Variants in DEFB1 observed in about 807,000 individuals in gnomAD.
The protein encoded by DEFB1 is defensin beta 1, also known as beta-defensin 1.
A neutral mutation model predicts 2.6 loss-of-function variants in DEFB1; 4 were observed. The ratio of observed to expected loss-of-function variants is 1.53; its 90% CI spans 0.76 to 3.51. DEFB1 has a LOEUF of 3.51. DEFB1 is among the 30% of genes most tolerant of loss of function. DEFB1 has a pLI of 0.01. For synonymous variants in DEFB1, 56 were observed against 28.5 expected, an observed-to-expected ratio of 1.96 and a Z score of -3.07; for missense variants, 162 against 76.9, an observed-to-expected ratio of 2.11 and a Z score of -4.14.
intron 1 of DEFB1, among the ~76,000 whole-genome samples, chr8:6,875,107 CA>C (rs1258641724): frequency 2.7e-5 from 4 of 146,366 alleles, no homozygotes; most frequent in East Asian, 2.0e-4. Flanking sequence ...CACACACACA[CA>C]CCCCATTGCC....
In DEFB1 at chr8:6,873,213, G is replaced by C. The variant is rs5743474; in HGVS notation, c.62-2387C>G. On this transcript the variant is annotated intron_variant, in intron 1 of 1. Transcript: ENST00000297439. ...AACAAGGTCCAGTGATGTCCCCAGA[G>C]CATGTAGCTGGTCAAAGACCAACCC... 2.7e-3 allele frequency among the ~76,000 whole-genome samples: 404 copies of C among 152,306 alleles called. 2 individuals carry two copies. Among genetic ancestry groups the C allele is most frequent in the African/African-American group, 9.2e-3 (382 of 41,570 alleles).
At chr8:6,874,970 AGACTC>A in intron 1 of DEFB1, among the ~76,000 whole-genome samples, 1 of 129,040 alleles carries the variant, frequency 7.7e-6, no homozygotes. Context: ...TGACAGAGCG[AGACTC>A]AGTCTCAAAA....
chr8:6,877,669 A>G (rs1173963576), intron 1 of DEFB1, 128 bp downstream of exon 1: 9 of 836,336 alleles, frequency 1.1e-5, no homozygotes, highest in Non-Finnish European at 1.7e-5. Context: ...AGGCCACTCA[A>G]CCACGGGATG....
Position 6,877,914 on chromosome 8 carries a change from G to T in DEFB1, c.-57C>A. The T allele has an allele frequency of 6.5e-7, 1 of 1,536,142 alleles. No homozygotes were observed. ...GAACTGGGGAGACGCTGGCTCCTTTGGAGGCTGAGCTGACAGAGGCTTCCA... is the reference window on the plus strand; with the variant it reads ...GAACTGGGGAGACGCTGGCTCCTTTTGAGGCTGAGCTGACAGAGGCTTCCA... On this transcript the variant is annotated 5_prime_UTR_variant, in exon 1 of 2. Coordinates refer to ENST00000297439, the MANE Select transcript of DEFB1 (RefSeq NM_005218.4).
intron 1 of DEFB1, among the ~76,000 whole-genome samples, chr8:6,871,853 A>C (rs951133): frequency 0.18 from 27,213 of 152,096 alleles, 2,653 homozygotes; most frequent in Admixed American, 0.24. Flanking sequence ...CGAGGAAATA[A>C]ATTTCTGTTG....
intron 1 of DEFB1, among the ~76,000 whole-genome samples, chr8:6,875,311 T>G (rs1266011057): frequency 6.6e-6 from 1 of 152,086 alleles, no homozygotes; most frequent in Non-Finnish European, 1.5e-5. Flanking sequence ...TCTAGGAAAG[T>G]TTCCATTAAG....
Position 6,875,108 on chromosome 8 carries a change from ACC to A in DEFB1, c.61+2687_61+2688del, listed in dbSNP as rs1491435786. ...CACACACACACACACACACACACAC[ACC>A]CCATTGCCAGATGGATTGTAAGTCT... On this transcript the variant is annotated intron_variant, in intron 1 of 1. Transcript: ENST00000297439. Among the ~76,000 whole-genome samples the A allele has an allele frequency of 4.1e-3, 548 of 132,598 alleles. 5 individuals are homozygous for A. Among genetic ancestry groups the A allele is most frequent in the African/African-American group, 0.015 (528 of 35,020 alleles). 87.0% of individuals were successfully genotyped at this position (132,598 alleles called of 152,430 possible). A position where few individuals can be genotyped will look rare whatever the true frequency, so the allele number is the denominator to read the frequency against.
At chr8:6,870,875 A>G in intron 1 of DEFB1, 49 bp from the exon 2 acceptor site, 3 of 1,559,302 alleles carry the variant, frequency 1.9e-6, no homozygotes, top group Non-Finnish European at 2.6e-6. Context: ...TGTAGCTGCA[A>G]CGATTTGAGA....
intron 1 of DEFB1, among the ~76,000 whole-genome samples, chr8:6,875,933 G>A (rs1806510016): frequency 1.3e-5 from 2 of 152,238 alleles, no homozygotes; most frequent in African/African-American, 2.4e-5. Flanking sequence ...GTAGGAGGGA[G>A]TTGTGACTGG....
At chr8:6,873,954 T>C (rs1373231711) in intron 1 of DEFB1, among the ~76,000 whole-genome samples, 1 of 152,240 alleles carries the variant, frequency 6.6e-6, no homozygotes, top group African/African-American at 2.4e-5. Flanking sequence ...TTTAACATTT[T>C]CATGACATTT....
intron 1 of DEFB1, among the ~76,000 whole-genome samples, chr8:6,871,679 TAA>T (rs1806321749): frequency 6.6e-6 from 1 of 152,170 alleles, no homozygotes; most frequent in African/African-American, 2.4e-5. Context: ...CTCTGATCCA[TAA>T]GACTTGCATC....
chr8:6,875,079 C>CAT (rs1806475446), intron 1 of DEFB1, among the ~76,000 whole-genome samples: 1 of 150,370 alleles, frequency 6.7e-6, no homozygotes, highest in Non-Finnish European at 1.5e-5. Context: ...CACACACACA[C>CAT]ACACACACAC....
At position 6,871,818 on chromosome 8, in the gene DEFB1, C is replaced by G. The variant is rs116507821; in HGVS notation, c.62-992G>C. On this transcript the variant is annotated intron_variant, in intron 1 of 1. Transcript: ENST00000297439. The stretch of plus-strand genomic sequence containing the variant: ...AAGCCAACCCTGCTTCCACCTTGAT[C>G]GCAGACTTCCTGCCTCCAGGACTGC... Among the ~76,000 whole-genome samples, 6 of 152,302 alleles carry G rather than the reference C, an allele frequency of 3.9e-5. No individual in the cohort carries two copies. In the South Asian group the frequency reaches 1.2e-3, roughly 32 times the overall value.
chr8:6,872,920 C>G (rs770001442), intron 1 of DEFB1, among the ~76,000 whole-genome samples: 8 of 152,210 alleles, frequency 5.3e-5, no homozygotes, highest in South Asian at 2.1e-4. Context: ...CTACTCCAAC[C>G]CACACTGCGA....
chr8:6,877,614 C>T (rs1053162804), intron 1 of DEFB1, among the ~76,000 whole-genome samples, 183 bp downstream of exon 1: 1 of 152,212 alleles, frequency 6.6e-6, no homozygotes, highest in African/African-American at 2.4e-5. Flanking sequence ...GGCTCACAGA[C>T]CCTGAAGGCT....
Position 6,877,803 on chromosome 8 carries a change from C to T in DEFB1, c.55G>A (p.Ala19Thr), listed in dbSNP as rs749434113. 8 of 1,613,756 alleles carry T rather than the reference C, an allele frequency of 5.0e-6. No individual in the cohort carries two copies. The highest frequency in any genetic ancestry group is 1.6e-4 in the Middle Eastern group (1 of 6,062). The change falls in exon 1 of 2, where the codon GCC (alanine) becomes ACC (threonine). Residue 19 changes from alanine to threonine, a missense_variant. Physicochemically the swap from Ala to Thr is moderately conservative, Grantham distance 58. Coordinates refer to ENST00000297439, the MANE Select transcript of DEFB1 (RefSeq NM_005218.4). ...TGCAGGTACCAGAGCTTACCTGAGG[C>T]CATCTCAGACAAAAGTAAGCAGAGA... ...FTLCLLLSEM[A>T]SGGNFLTGLG... is the part of the protein sequence containing the mutation.
intron 1 of DEFB1, among the ~76,000 whole-genome samples, chr8:6,877,394 G>A (rs540336376): frequency 6.6e-6 from 1 of 152,370 alleles, no homozygotes; most frequent in African/African-American, 2.4e-5. Context: ...CCTGTACCAG[G>A]GCACCCCAGG....
At chr8:6,872,686 A>T (rs1563395842) in intron 1 of DEFB1, among the ~76,000 whole-genome samples, 1 of 152,200 alleles carries the variant, frequency 6.6e-6, no homozygotes, top group Non-Finnish European at 1.5e-5. Flanking sequence ...AAGGCCACTC[A>T]TTTGTTCATA....
intron 1 of DEFB1, among the ~76,000 whole-genome samples, chr8:6,876,955 T>C (rs1390802425): frequency 6.6e-6 from 1 of 151,836 alleles, no homozygotes; most frequent in Non-Finnish European, 1.5e-5. Context: ...TGAGGCATAA[T>C]TGGAATAAAT....
Sources: allele counts gnomAD v4.1 joint callset (sites outside exome capture counted in the v4.1 genomes callset), GRCh38; gene constraint gnomAD v4.1.1; transcripts MANE v1.5; gene names NCBI Gene and HGNC (gene_info 2026-07-23, HGNC 2026-07-21).